CATSPERG: variants seen among roughly 807,000 people sequenced by gnomAD.
CATSPERG encodes catsper channel auxiliary subunit gamma.
In CATSPERG, 115 loss-of-function variants were observed where a neutral mutation model predicts 145.0. The observed-to-expected ratio is 0.79, with a 90% CI of 0.68 to 0.93. CATSPERG has a LOEUF of 0.93. CATSPERG is among the 40% of genes least tolerant of loss of function. The pLI is 0.00. For missense variants in CATSPERG, 1,296 were observed against 1,490.1 expected (o/e 0.87, Z 2.14); for synonymous variants, 588 against 589.0 (o/e 1.00, Z 0.02).
At chr19:38,355,896 A>C (rs1970234626) in intron 9 of CATSPERG, among the ~76,000 whole-genome samples, 1 of 152,068 alleles carries the variant, frequency 6.6e-6, no homozygotes, top group Non-Finnish European at 1.5e-5. Flanking sequence ...CTGCTCCATC[A>C]CACCTTCGCT....
chr19:38,349,142 T>C (rs1970091854), intron 7 of CATSPERG: 1 of 152,170 alleles, frequency 6.6e-6, no homozygotes, highest in Non-Finnish European at 1.5e-5. Context: ...TTTTTCTTTT[T>C]TTTCTTTTTG....
At chr19:38,367,638 C>T (rs768630922) in intron 24 of CATSPERG, 43 bp from the exon 25 acceptor site, 13 of 1,611,732 alleles carry the variant, frequency 8.1e-6, no homozygotes, top group African/African-American at 4.0e-5. Flanking sequence ...GTGCAGGACT[C>T]GAGACCCGGA....
chr19:38,359,861 TGTGCCTGCCCCC>T, intron 14 of CATSPERG: 1 of 1,158,960 alleles, frequency 8.6e-7, no homozygotes, highest in Non-Finnish European at 1.1e-6. Flanking sequence ...GCATTTACTG[TGTGCCTGCCCCC>T]GTGCTGGAGA....
Position 38,362,242 on chromosome 19 carries a change from G to A in CATSPERG, c.2127G>A (p.Trp709Ter), listed in dbSNP as rs867859319. ...PYADPVHDPT[W>*]RWWANNKQDQ... ...CGGACCCGGTGCACGACCCCACCTGGCGCTGGTGGGCGAACAACAAACAAG... is the reference window on the plus strand; with the variant it reads ...CGGACCCGGTGCACGACCCCACCTGACGCTGGTGGGCGAACAACAAACAAG... Residue 709 changes from tryptophan (W) to a stop codon, truncating the protein, a stop_gained, in exon 18 of 29, where the codon TGG becomes TGA. Coordinates refer to ENST00000409235, the MANE Select transcript of CATSPERG (RefSeq NM_021185.5). LOFTEE classifies it high-confidence loss of function. The A allele has an allele frequency of 3.7e-6, 6 of 1,611,142 alleles. No individual in the cohort carries two copies. The highest frequency in any genetic ancestry group is 5.1e-6 in the Non-Finnish European group (6 of 1,178,706).
chr19:38,338,349 C>A (rs180960111), intron 3 of CATSPERG, among the ~76,000 whole-genome samples: 1 of 151,986 alleles, frequency 6.6e-6, no homozygotes. Flanking sequence ...GGGGTTTCAC[C>A]GGGTTAGCCA....
In CATSPERG at chr19:38,343,618, G is replaced by A. The variant is rs1424582617; in HGVS notation, c.363G>A (p.Gly121=). 3 of 1,551,382 alleles carry A rather than the reference G, an allele frequency of 1.9e-6. No homozygotes were observed. Among genetic ancestry groups the A allele is most frequent in the Non-Finnish European group, 2.6e-6 (3 of 1,146,884 alleles). The change falls in exon 4 of 29, where the codon GGG becomes GGA. Residue 121 remains glycine, a synonymous_variant. Coordinates refer to ENST00000409235, the MANE Select transcript of CATSPERG (RefSeq NM_021185.5). The stretch of plus-strand genomic sequence containing the variant: ...TGGTGCGCATGGGCCACCTGACGGG[G>A]CTAAAGCCCCTGGTGCTGGTCACCT... ...EDLVRMGHLT[G]LKPLVLVTFQ...
At chr19:38,338,466 G>C (rs1350753787) in intron 3 of CATSPERG, among the ~76,000 whole-genome samples, 1 of 152,134 alleles carries the variant, frequency 6.6e-6, no homozygotes, top group Non-Finnish European at 1.5e-5. Flanking sequence ...GGTTTTTAAA[G>C]CTATGAGTAG....
intron 26 of CATSPERG, among the ~76,000 whole-genome samples, chr19:38,368,812 G>A (rs897058244): frequency 6.6e-5 from 10 of 152,248 alleles, no homozygotes; most frequent in Non-Finnish European, 1.3e-4. Flanking sequence ...ACAGGCACCC[G>A]CCACCATGCC....
At chr19:38,356,586 A>G (rs777842326) in intron 10 of CATSPERG, 43 bp downstream of exon 10, 65 of 1,605,048 alleles carry the variant, frequency 4.0e-5, no homozygotes, top group Admixed American at 6.7e-5. Flanking sequence ...GGCTGGGGGA[A>G]CTGAGGATGC....
At position 38,352,408 on chromosome 19, in the gene CATSPERG, C is replaced by G. The variant is rs897253172; in HGVS notation, c.973C>G (p.Leu325Val). ...VYYFTGTYTT[L>V]YERNRGSGSW... is the part of the protein sequence containing the mutation. ...CTATTTTACAGGCACCTATACCACA[C>G]TCTATGAGAGAAACCGCGGCAGTGG... Residue 325 changes from leucine (L) to valine (V), a missense_variant, in exon 8 of 29, where the codon CTC (leucine) becomes GTC (valine). Leu to Val is a conservative substitution (Grantham distance 32). Coordinates refer to ENST00000409235, the MANE Select transcript of CATSPERG (RefSeq NM_021185.5). The G allele has an allele frequency of 7.1e-6, 11 of 1,552,052 alleles. No individual in the cohort carries two copies. In the East Asian group the frequency reaches 2.4e-4, roughly 35 times the overall value.
chr19:38,340,197 G>T (rs1969913697), intron 3 of CATSPERG, among the ~76,000 whole-genome samples: 1 of 151,816 alleles, frequency 6.6e-6, no homozygotes, highest in Admixed American at 6.6e-5. Flanking sequence ...TGGCACCTTT[G>T]TCAAAAATCA....
At chr19:38,350,989 A>G (rs958962871) in intron 7 of CATSPERG, among the ~76,000 whole-genome samples, 17 of 152,118 alleles carry the variant, frequency 1.1e-4, no homozygotes, top group Non-Finnish European at 2.1e-4. Flanking sequence ...ATCCTATCTC[A>G]AAAAACAAAC....
chr19:38,367,382 C>T, intron 23 of CATSPERG, 70 bp downstream of exon 23: 1 of 1,572,820 alleles, frequency 6.4e-7, no homozygotes, highest in Non-Finnish European at 8.7e-7. Context: ...GCTCTCCCTC[C>T]CCATTCCTCT....
At chr19:38,339,523 GGC>G (rs1969901736) in intron 3 of CATSPERG, among the ~76,000 whole-genome samples, 1 of 152,170 alleles carries the variant, frequency 6.6e-6, no homozygotes, top group African/African-American at 2.4e-5. Context: ...GGAGTGCAGT[GGC>G]GCAATCTCGG....
chr19:38,361,725 G>A lies in CATSPERG; in HGVS notation c.1958G>A (p.Arg653Lys). ...CTGCGGAGCCTGCCCAGTCCGCAGA[G>A]ATACACGCGCCAGGAGCGCTACCGG... ...MRLRSLPSPQ[R>K]YTRQERYRAR... The change falls in exon 17 of 29, where the codon AGA (arginine) becomes AAA (lysine). Residue 653 changes from arginine to lysine, a missense_variant. Transcript: ENST00000409235. 1 of 1,613,366 alleles carries A rather than the reference G, an allele frequency of 6.2e-7. No homozygotes were observed. The highest frequency in any genetic ancestry group is 8.5e-7 in the Non-Finnish European group (1 of 1,179,892).
At chr19:38,354,662 C>G (rs776616359) in intron 8 of CATSPERG, 48 bp from the exon 9 acceptor site, 106 of 1,601,940 alleles carry the variant, frequency 6.6e-5, no homozygotes, top group Non-Finnish European at 8.6e-5. Context: ...GGGGCAGAGG[C>G]CCCAGATCCA....
At chr19:38,352,563 C>T (rs1215302573) in intron 8 of CATSPERG, 131 bp downstream of exon 8, 1 of 858,632 alleles carries the variant, frequency 1.2e-6, no homozygotes, top group African/African-American at 1.7e-5. Context: ...CCCAAATCAC[C>T]CTTGCCCACC....
Position 38,361,749 on chromosome 19 carries a change from G to C in CATSPERG, c.1982G>C (p.Arg661Pro). The change falls in exon 17 of 29, where the codon CGG becomes CCG. Residue 661 changes from arginine to proline, a missense_variant. Arg to Pro is a moderately radical substitution (Grantham distance 103, BLOSUM62 -2). Transcript: ENST00000409235. ...PQRYTRQERY[R>P]ARPPRVLERS... ...AGATACACGCGCCAGGAGCGCTACCGGGCGCGGCCGCCGCGCGTCCTGGAG... is the reference window on the plus strand; with the variant it reads ...AGATACACGCGCCAGGAGCGCTACCCGGCGCGGCCGCCGCGCGTCCTGGAG... The C allele has an allele frequency of 3.1e-6, 5 of 1,611,380 alleles. No homozygotes were observed. The highest frequency in any genetic ancestry group is 4.2e-6 in the Non-Finnish European group (5 of 1,179,134).
rs1025955876 is a variant in CATSPERG at position 38,337,197 on chromosome 19, G to A, written c.-14-24G>A. ...GCTCCAGAGAGCTGTCCGGCGCGTG[G>A]GTGTTGACTCCTGCGTTCTCCAGGT... On this transcript the variant is annotated intron_variant, in intron 1 of 28. Transcript: ENST00000409235. 11 of 1,544,352 alleles carry A rather than the reference G, an allele frequency of 7.1e-6. 1 individual carries two copies. In the Admixed American group the frequency reaches 1.2e-4, roughly 17 times the overall value.
Sources: gnomAD v4.1 joint callset for allele counts (sites outside exome capture counted in the v4.1 genomes callset) on GRCh38, gnomAD v4.1.1 for gene constraint, MANE v1.5 for transcripts, NCBI Gene and HGNC (gene_info 2026-07-23, HGNC 2026-07-21) for gene names.